Variants in PPM1A observed in about 807,000 individuals in gnomAD.
The protein encoded by PPM1A is protein phosphatase, Mg2+/Mn2+ dependent 1A.
Under a neutral mutation model 35.0 loss-of-function variants are expected in PPM1A, and 7 were observed. That is an observed-to-expected ratio of 0.20 (90% CI 0.11 to 0.38). The LOEUF (loss-of-function observed/expected upper bound fraction) is 0.38. Among genes scored for constraint, PPM1A ranks in the 10% least tolerant of loss-of-function variants. The probability of loss-of-function intolerance (pLI) is 1.00; values close to 1 mark genes in which losing one functional copy is unlikely to be tolerated. For missense variants in PPM1A, 239 were observed against 467.8 expected, an observed-to-expected ratio of 0.51 and a Z score of 4.51; for synonymous variants, 153 against 167.3, an observed-to-expected ratio of 0.91 and a Z score of 0.66.
rs568520872 is a variant in PPM1A, at chr14:60,285,567, C to G, written c.835-57C>G. 3.8e-6 allele frequency: 6 copies of G among 1,559,848 alleles called. No homozygotes were observed. In the South Asian group the frequency reaches 7.0e-5, roughly 18 times the overall value. On this transcript the variant is annotated intron_variant, in intron 2 of 5. Coordinates refer to ENST00000395076, the MANE Select transcript of PPM1A (RefSeq NM_021003.5). ...TAATTGGCACAGCTGTAAAGGTTCT[C>G]AAGGCTTTGAAGAGCAAAAAGAAAA...
At position 60,249,418 on chromosome 14, in the gene PPM1A, C is replaced by T. The variant is rs1193695605; in HGVS notation, c.-280C>T. ...GAAAGCGATGAGTCCTCGGCTCTTC[C>T]TCCTCCTTCTCCGGGACCCGCTCTC... On this transcript the variant is annotated 5_prime_UTR_variant, in exon 1 of 6. Transcript: ENST00000395076. This position sits in a 1 kb window ranked among gnomAD's most constrained non-coding sequence, Gnocchi z 4.5. The T allele has an allele frequency of 8.0e-5, 79 of 984,680 alleles. No individual in the cohort carries two copies. Among genetic ancestry groups the T allele is most frequent in the Admixed American group, 3.1e-4 (5 of 16,192 alleles). The allele number at this position is 984,680 out of a possible 1,614,324, so 61.0% of individuals were successfully genotyped here.
intron 3 of PPM1A, chr14:60,288,309 C>G (rs1887253041): frequency 1.0e-6 from 1 of 962,390 alleles, no homozygotes; most frequent in African/African-American, 1.8e-5. Flanking sequence ...TTTTTTAGAC[C>G]TGAAACTATT....
At chr14:60,268,658 AGT>A (rs966543396) in intron 1 of PPM1A, among the ~76,000 whole-genome samples, 2 of 151,512 alleles carry the variant, frequency 1.3e-5, no homozygotes, top group African/African-American at 4.8e-5. Flanking sequence ...TTTTTAACTA[AGT>A]GTGAATTTTT....
In PPM1A at chr14:60,297,497, C is replaced by T. The variant is rs565923310; in HGVS notation, c.*5015C>T. ...ATGCAATGTTTCTTCACTAGAAAAC[C>T]CAACCCTTCATTTCTTTTCATTGCT... On this transcript the variant is annotated 3_prime_UTR_variant, in exon 6 of 6. Coordinates refer to ENST00000395076, the MANE Select transcript of PPM1A (RefSeq NM_021003.5). 1 of 151,744 alleles carries T rather than the reference C, an allele frequency of 6.6e-6. No homozygotes were observed. The highest frequency in any genetic ancestry group is 6.6e-5 in the Admixed American group (1 of 15,230). The allele number at this position is 151,744 out of a possible 1,614,324, so 9.4% of individuals were successfully genotyped here.
intron 1 of PPM1A, among the ~76,000 whole-genome samples, chr14:60,271,527 G>A (rs960503941): frequency 3.9e-5 from 6 of 152,128 alleles, no homozygotes; most frequent in East Asian, 1.9e-4. Context: ...CCTCTTTACC[G>A]AATGATGCAA....
intron 4 of PPM1A, 138 bp from the exon 5 acceptor site, chr14:60,291,259 A>G (rs948485678): frequency 1.8e-6 from 1 of 542,404 alleles, no homozygotes; most frequent in African/African-American, 2.0e-5. Flanking sequence ...GAGGCTCACT[A>G]TTGACAGCAA....
chr14:60,261,771 A>T (rs2139383187), intron 1 of PPM1A, among the ~76,000 whole-genome samples: 1 of 152,310 alleles, frequency 6.6e-6, no homozygotes, highest in East Asian at 1.9e-4. Flanking sequence ...TCATACCTTG[A>T]TTTTATAGAT....
At position 60,270,769 on chromosome 14, in the gene PPM1A, G is replaced by A. The variant is rs1003873697; in HGVS notation, c.-20-11915G>A. On this transcript the variant is annotated intron_variant, in intron 1 of 5. Coordinates refer to ENST00000395076, the MANE Select transcript of PPM1A (RefSeq NM_021003.5). ...ATATTTCATTATTTTTGAGAGAAAT[G>A]ATAGGGATTTTGTCCTATTAACCTG... Among the ~76,000 whole-genome samples the A allele has an allele frequency of 5.9e-5, 9 of 152,058 alleles. No homozygotes were observed. In the East Asian group the frequency reaches 1.3e-3, roughly 23 times the overall value.
Position 60,292,030 on chromosome 14 carries a change from A to G in PPM1A, c.1120-423A>G, listed in dbSNP as rs748903974. Among the ~76,000 whole-genome samples the G allele has an allele frequency of 4.6e-5, 7 of 152,134 alleles. No homozygotes were observed. Among genetic ancestry groups the G allele is most frequent in the Non-Finnish European group, 1.0e-4 (7 of 67,998 alleles). On this transcript the variant is annotated intron_variant, in intron 5 of 5. Coordinates refer to ENST00000395076, the MANE Select transcript of PPM1A (RefSeq NM_021003.5). The surrounding 1 kb of genome is among the most constrained non-coding windows in gnomAD (Gnocchi z 4.2). ...TTTATAGAAAAGTGATAACTTAAAG[A>G]TCATGTGGGCACAGCTCTGAAATAT...
At chr14:60,274,252 G>C (rs554908281) in intron 1 of PPM1A, among the ~76,000 whole-genome samples, 1 of 152,242 alleles carries the variant, frequency 6.6e-6, no homozygotes, top group Non-Finnish European at 1.5e-5. Context: ...ATGCTTCTGT[G>C]AGCAGTCAAT....
intron 1 of PPM1A, among the ~76,000 whole-genome samples, chr14:60,264,002 A>G (rs1422652497): frequency 6.6e-6 from 1 of 151,888 alleles, no homozygotes; most frequent in Non-Finnish European, 1.5e-5. Context: ...TTTTATACTC[A>G]ATAACTTGTT....
intron 3 of PPM1A, chr14:60,286,953 A>G (rs1033017520): frequency 1.1e-6 from 1 of 888,204 alleles, no homozygotes. Flanking sequence ...TTATAGGTAT[A>G]GTACAATTTT....
chr14:60,260,292 G>A (rs1461522137), intron 1 of PPM1A, among the ~76,000 whole-genome samples: 2 of 152,002 alleles, frequency 1.3e-5, no homozygotes, highest in African/African-American at 2.4e-5. Context: ...TTTATTGTTG[G>A]AGGAGGGTAA....
Position 60,282,555 on chromosome 14 carries a change from A to G in PPM1A, c.-20-129A>G. 1 of 1,190,268 alleles carries G rather than the reference A, an allele frequency of 8.4e-7. No homozygotes were observed. The highest frequency in any genetic ancestry group is 1.2e-6 in the Non-Finnish European group (1 of 863,342). 73.7% of individuals were successfully genotyped at this position (1,190,268 alleles called of 1,614,324 possible). A position where few individuals can be genotyped will look rare whatever the true frequency, so the allele number is the denominator to read the frequency against. The stretch of plus-strand genomic sequence containing the variant: ...TTAATCTCCAGATTCCAAGTCAGCA[A>G]CACAATGAATGTCTGCTTATCGCGA... On this transcript the variant is annotated intron_variant, in intron 1 of 5. Transcript: ENST00000395076. The surrounding 1 kb of genome is among the most constrained non-coding windows in gnomAD (Gnocchi z 5.1).
Position 60,282,812 on chromosome 14 carries a change from G to A in PPM1A, c.109G>A (p.Glu37Lys). The A allele has an allele frequency of 6.2e-7, 1 of 1,614,248 alleles. No homozygotes were observed. The highest frequency in any genetic ancestry group is 8.5e-7 in the Non-Finnish European group (1 of 1,180,046). ...CATGCAAGGCTGGCGTGTTGAAATG[G>A]AGGATGCACATACGGCTGTGATCGG... is the stretch of plus-strand genomic sequence containing the variant. ...SSMQGWRVEM[E>K]DAHTAVIGLP... Residue 37 changes from glutamate to lysine, a missense_variant, in exon 2 of 6, where the codon GAG (glutamate) becomes AAG (lysine). Physicochemically the swap from Glu to Lys is moderately conservative, Grantham distance 56. Around this residue, in one of 2 missense-constraint regions of PPM1A, gnomAD observed 175 missense variants for 389.2 expected, o/e 0.45. Coordinates refer to ENST00000395076, the MANE Select transcript of PPM1A (RefSeq NM_021003.5). The surrounding 1 kb of genome is among the most constrained non-coding windows in gnomAD (Gnocchi z 5.1).
intron 1 of PPM1A, among the ~76,000 whole-genome samples, chr14:60,270,434 C>G (rs574417924): frequency 7.2e-5 from 11 of 151,822 alleles, no homozygotes; most frequent in Non-Finnish European, 1.6e-4. Flanking sequence ...TTTTTTATTT[C>G]AGAATTTTTG....
rs1437461988 is a variant in PPM1A, at chr14:60,292,518, C to G, written c.*36C>G. ...CTAGCCATGGAGTTTACCTTCACCT[C>G]CAAAGGAGAGTACAGCTCAACTTTG... is the stretch of plus-strand genomic sequence containing the variant. On this transcript the variant is annotated 3_prime_UTR_variant, in exon 6 of 6. Coordinates refer to ENST00000395076, the MANE Select transcript of PPM1A (RefSeq NM_021003.5). This position sits in a 1 kb window ranked among gnomAD's most constrained non-coding sequence, Gnocchi z 4.2. 6.4e-7 allele frequency: 1 copy of G among 1,554,476 alleles called. No homozygotes were observed. The highest frequency in any genetic ancestry group is 1.4e-5 in the African/African-American group (1 of 73,382).
intron 1 of PPM1A, among the ~76,000 whole-genome samples, chr14:60,271,752 T>C (rs1007147454): frequency 6.6e-6 from 1 of 152,220 alleles, no homozygotes; most frequent in Non-Finnish European, 1.5e-5. Flanking sequence ...ATTTTGTGTG[T>C]CTCTTATAAT....
chr14:60,263,091 G>A (rs1169553856), intron 1 of PPM1A, among the ~76,000 whole-genome samples: 2 of 152,074 alleles, frequency 1.3e-5, no homozygotes, highest in African/African-American at 2.4e-5. Flanking sequence ...GGTGGTGCAC[G>A]CCTGTAGTCC....
Sources: allele counts gnomAD v4.1 joint callset (sites outside exome capture counted in the v4.1 genomes callset), GRCh38; gene constraint gnomAD v4.1.1; regional missense constraint gnomAD v4.1.1; non-coding constraint Gnocchi (gnomAD v3.1); transcripts MANE v1.5; gene names NCBI Gene and HGNC (gene_info 2026-07-23, HGNC 2026-07-21).